ZFR: variants seen among roughly 807,000 people sequenced by gnomAD.
ZFR encodes zinc finger RNA binding protein.
In ZFR, 19 loss-of-function variants were observed where a neutral mutation model predicts 130.7. That is an observed-to-expected ratio of 0.15 (90% CI 0.10 to 0.21). The LOEUF is 0.21. Among genes scored for constraint, ZFR ranks in the 10% least tolerant of loss-of-function variants. The pLI, the probability that ZFR is intolerant of heterozygous loss-of-function variation, is 1.00. For synonymous variants in ZFR, 466 were observed against 456.9 expected (o/e 1.02, Z -0.25); for missense variants, 872 against 1,321.5 (o/e 0.66, Z 5.27).
Position 32,362,498 on chromosome 5 carries a change from T to TA in ZFR, c.3045+1449dup, listed in dbSNP as rs1196244942. Among the ~76,000 whole-genome samples the TA allele has an allele frequency of 3.9e-5, 6 of 152,212 alleles. 1 individual carries two copies. Among genetic ancestry groups the TA allele is most frequent in the Admixed American group, 2.0e-4 (3 of 15,280 alleles). ...CTGGTACTTCAGATTTCACCAGTTA[T>TA]ATATGCACTAATTTATGTGTGCATG... is the stretch of plus-strand genomic sequence containing the variant. On this transcript the variant is annotated intron_variant, in intron 19 of 19. Transcript: ENST00000265069.
intron 2 of ZFR, among the ~76,000 whole-genome samples, chr5:32,440,438 G>C (rs1039995739): frequency 6.6e-6 from 1 of 152,018 alleles, no homozygotes. Flanking sequence ...ACCGGAGTTC[G>C]GGAGTTTGAG....
intron 2 of ZFR, among the ~76,000 whole-genome samples, chr5:32,441,453 T>C (rs934594510): frequency 6.6e-6 from 1 of 151,850 alleles, no homozygotes; most frequent in Non-Finnish European, 1.5e-5. Context: ...GTAGGCCCTG[T>C]GGAACCTGCG....
chr5:32,357,454 T>G (rs1290597157), intron 19 of ZFR, among the ~76,000 whole-genome samples: 1 of 151,798 alleles, frequency 6.6e-6, no homozygotes, highest in East Asian at 1.9e-4. Context: ...TTAGTAGAGA[T>G]GGGGTTTCAC....
intron 2 of ZFR, among the ~76,000 whole-genome samples, chr5:32,433,088 C>T (rs2111858020): frequency 6.6e-6 from 1 of 152,248 alleles, no homozygotes; most frequent in Admixed American, 6.5e-5. Flanking sequence ...TTCCTACCAA[C>T]TCACTAGAAT....
chr5:32,428,265 T>G (rs941055960), intron 2 of ZFR, among the ~76,000 whole-genome samples: 9 of 152,064 alleles, frequency 5.9e-5, no homozygotes, highest in Admixed American at 5.2e-4. Flanking sequence ...AATACAAAAA[T>G]TAGCCAGGCG....
At chr5:32,393,843 T>C (rs192237541) in intron 11 of ZFR, among the ~76,000 whole-genome samples, 13 of 152,236 alleles carry the variant, frequency 8.5e-5, no homozygotes, top group Admixed American at 7.8e-4. Context: ...CTAACGATAA[T>C]GTATGCAGTA....
At chr5:32,426,018 T>C (rs1227946613) in intron 2 of ZFR, among the ~76,000 whole-genome samples, 2 of 152,186 alleles carry the variant, frequency 1.3e-5, no homozygotes, top group Non-Finnish European at 2.9e-5. Flanking sequence ...TATCCCTTTA[T>C]GCAAAAAGTT....
rs763695855 is a variant in ZFR at position 32,361,729 on chromosome 5, G to C, written c.3045+2219C>G. The stretch of plus-strand genomic sequence containing the variant: ...TGCCTCCTGGGTTTAAGCGATTCTC[G>C]TGCCTTAGTCTCCCAAGTAGCCTGG... On this transcript the variant is annotated intron_variant, in intron 19 of 19. Transcript: ENST00000265069. Among the ~76,000 whole-genome samples, 38 of 149,618 alleles carry C rather than the reference G, an allele frequency of 2.5e-4. 1 individual carries two copies. Among genetic ancestry groups the C allele is most frequent in the Non-Finnish European group, 5.0e-4 (34 of 67,716 alleles).
intron 9 of ZFR, among the ~76,000 whole-genome samples, chr5:32,397,765 T>C (rs115973154): frequency 0.019 from 2,837 of 147,572 alleles, 82 homozygotes; most frequent in African/African-American, 0.067. Context: ...TATTACTTTT[T>C]AAAAGGATAG....
At chr5:32,403,844 CT>C in intron 7 of ZFR, 61 bp downstream of exon 7, 4 of 1,466,506 alleles carry the variant, frequency 2.7e-6, no homozygotes, top group Non-Finnish European at 1.8e-6. Flanking sequence ...ACCTAACCCC[CT>C]TTGAAAAAGT....
chr5:32,363,441 CT>C (rs1277960621), intron 19 of ZFR, among the ~76,000 whole-genome samples: 1 of 152,118 alleles, frequency 6.6e-6, no homozygotes, highest in Non-Finnish European at 1.5e-5. Context: ...CTCAACAATC[CT>C]GTTTGAGACA....
In ZFR at chr5:32,387,535, T is replaced by C; in HGVS notation, c.2499+14A>G. 1.2e-6 allele frequency: 2 copies of C among 1,608,304 alleles called. No individual in the cohort carries two copies. Among genetic ancestry groups the C allele is most frequent in the Non-Finnish European group, 1.7e-6 (2 of 1,177,590 alleles). On this transcript the variant is annotated intron_variant, in intron 14 of 19. Coordinates refer to ENST00000265069, the MANE Select transcript of ZFR (RefSeq NM_016107.5). The stretch of plus-strand genomic sequence containing the variant: ...CAGACAAGGGGTAAAAATGAACATT[T>C]CCATAATACTTACAGCAAGCTGTTT...
At chr5:32,419,606 G>A (rs199968443) in intron 3 of ZFR, among the ~76,000 whole-genome samples, 2 of 152,136 alleles carry the variant, frequency 1.3e-5, no homozygotes, top group African/African-American at 2.4e-5. Flanking sequence ...TCAAAGTGCT[G>A]GGATTACAGG....
intron 4 of ZFR, among the ~76,000 whole-genome samples, chr5:32,415,971 CTT>C (rs150198483): frequency 1.2e-5 from 1 of 85,864 alleles, no homozygotes; most frequent in African/African-American, 5.4e-5. Context: ...GAACTTTTAT[CTT>C]TTTTTTTTTT....
chr5:32,395,269 C>T lies in ZFR; in HGVS notation c.1869G>A (p.Lys623=). The T allele has an allele frequency of 6.3e-7, 1 of 1,597,122 alleles. No individual in the cohort carries two copies. The highest frequency in any genetic ancestry group is 1.1e-5 in the South Asian group (1 of 87,528). The change falls in exon 11 of 20, where the codon AAG becomes AAA. Residue 623 remains lysine (K), a synonymous_variant. Transcript: ENST00000265069. The part of the protein sequence containing the change: ...KVNPDLQVEV[K]PSIRARKIQE... Reference sequence around the variant, plus strand: ...GAATCTTTCTTGCTCGAATACTAGGCTTTACTTCTACTTGCAAATCTGGAT... The same window carrying T: ...GAATCTTTCTTGCTCGAATACTAGGTTTTACTTCTACTTGCAAATCTGGAT...
At chr5:32,397,406 AT>A (rs1753338400) in intron 9 of ZFR, 68 bp from the exon 10 acceptor site, 2 of 1,556,984 alleles carry the variant, frequency 1.3e-6, no homozygotes, top group Admixed American at 3.8e-5. Flanking sequence ...ACCCCCACAT[AT>A]TATTTGATGA....
intron 19 of ZFR, among the ~76,000 whole-genome samples, chr5:32,362,567 T>A (rs1752460176): frequency 6.6e-6 from 1 of 152,184 alleles, no homozygotes; most frequent in Admixed American, 6.5e-5. Context: ...CCGCCTTATG[T>A]CATGTAACTA....
chr5:32,371,853 T>C (rs556767864), intron 17 of ZFR, among the ~76,000 whole-genome samples: 57 of 151,354 alleles, frequency 3.8e-4, no homozygotes, highest in Middle Eastern at 3.4e-3. Flanking sequence ...CCAAAGGAAT[T>C]AGAGGTAGGG....
In ZFR at chr5:32,355,243, C is replaced by T. The variant is rs1170340256; in HGVS notation, c.*517G>A. Reference sequence around the variant, plus strand: ...TAACTTTTTGTGTTGTAATCCTTCACATATAGAAAAACAAACTCTGCAGTC... The same window carrying T: ...TAACTTTTTGTGTTGTAATCCTTCATATATAGAAAAACAAACTCTGCAGTC... On this transcript the variant is annotated 3_prime_UTR_variant, in exon 20 of 20. Transcript: ENST00000265069. The T allele has an allele frequency of 6.6e-6, 1 of 152,166 alleles. No individual in the cohort carries two copies. Among genetic ancestry groups the T allele is most frequent in the Non-Finnish European group, 1.5e-5 (1 of 68,052 alleles). 9.4% of individuals were successfully genotyped at this position (152,166 alleles called of 1,614,324 possible). A position where few individuals can be genotyped will look rare whatever the true frequency, so the allele number is the denominator to read the frequency against.
Sources: gnomAD v4.1 joint callset for allele counts (sites outside exome capture counted in the v4.1 genomes callset) on GRCh38, gnomAD v4.1.1 for gene constraint, MANE v1.5 for transcripts, NCBI Gene and HGNC (gene_info 2026-07-23, HGNC 2026-07-21) for gene names.